The following CLEC1B variants were observed in gnomAD, a reference collection of about 807,000 sequenced individuals.
CLEC1B encodes the protein C-type lectin domain family 1 member B, also known as C-type lectin-like receptor 2.
Under a neutral mutation model 26.7 loss-of-function variants are expected in CLEC1B, and 26 were observed. The ratio of observed to expected loss-of-function variants is 0.97; its 90% CI spans 0.71 to 1.35. The LOEUF is 1.35. CLEC1B is among the 40% of genes most tolerant of loss of function. The probability of loss-of-function intolerance (pLI) is 0.00; values close to 1 mark genes in which losing one functional copy is unlikely to be tolerated. For synonymous variants in CLEC1B, 112 were observed against 96.0 expected (o/e 1.17, Z -0.97); for missense variants, 293 against 282.6 (o/e 1.04, Z -0.26).
intron 5 of CLEC1B, among the ~76,000 whole-genome samples, chr12:9,993,685 A>T (rs914944363): frequency 1.1e-4 from 16 of 152,124 alleles, no homozygotes; most frequent in African/African-American, 3.9e-4. Context: ...AAGTAGCTGC[A>T]CTAGATGGGA....
intron 1 of CLEC1B, 85 bp downstream of exon 1, chr12:9,998,952 A>T: frequency 1.3e-6 from 1 of 789,082 alleles, no homozygotes. Context: ...TAAACTATAT[A>T]TATTATCAAT....
upstream of CLEC1B, among the ~76,000 whole-genome samples, chr12:10,000,096 T>A (rs1320149200): frequency 6.6e-6 from 1 of 152,220 alleles, no homozygotes; most frequent in East Asian, 1.9e-4. Context: ...TCTTACATAG[T>A]TTTATGGCAG....
intron 4 of CLEC1B, among the ~76,000 whole-genome samples, chr12:9,996,119 A>G (rs987582497): frequency 6.6e-6 from 1 of 152,220 alleles, no homozygotes; most frequent in Non-Finnish European, 1.5e-5. Context: ...GTGAGACTCA[A>G]AATGGCATTC....
intron 1 of CLEC1B, 84 bp from the exon 2 acceptor site, chr12:9,998,464 T>G: frequency 1.1e-6 from 1 of 928,562 alleles, no homozygotes. Flanking sequence ...TGCCCCTGCC[T>G]TCTCAGGGTC....
intron 5 of CLEC1B, among the ~76,000 whole-genome samples, chr12:9,994,383 A>G (rs776769870): frequency 1.2e-4 from 19 of 152,180 alleles, no homozygotes; most frequent in Admixed American, 6.5e-5. Context: ...GATCCTATCT[A>G]TAGTAAATAC....
chr12:10,001,541 G>A (rs770988949), upstream of CLEC1B, among the ~76,000 whole-genome samples: 13 of 152,150 alleles, frequency 8.5e-5, no homozygotes, highest in Non-Finnish European at 1.3e-4. Context: ...TGACTTTGTG[G>A]TGTTAGAAGC....
chr12:9,993,860 G>A (rs935921546), intron 5 of CLEC1B, among the ~76,000 whole-genome samples: 3 of 152,066 alleles, frequency 2.0e-5, no homozygotes, highest in African/African-American at 7.2e-5. Flanking sequence ...ATACTTATTG[G>A]TTTATTTGGA....
intron 4 of CLEC1B, chr12:9,995,734 G>C (rs1441902359): frequency 5.0e-6 from 1 of 200,358 alleles, no homozygotes. Flanking sequence ...CATTTATGAT[G>C]TCTTTCTCAA....
upstream of CLEC1B, chr12:9,999,297 G>A: frequency 2.3e-6 from 1 of 437,306 alleles, no homozygotes. Context: ...AGAGATACAT[G>A]GACCTTGAAC....
upstream of CLEC1B, chr12:9,999,369 C>CT (rs141897222): frequency 0.035 from 10,260 of 293,532 alleles, 223 homozygotes; most frequent in African/African-American, 0.077. Flanking sequence ...TTGCTTCCTG[C>CT]TTTTTTTTTA....
rs1041909532 is a variant in CLEC1B at position 9,993,219 on chromosome 12, G to A, written c.614C>T (p.Pro205Leu). Residue 205 changes from proline (P) to leucine (L), a missense_variant, in exon 6 of 6, where the codon CCT becomes CTT. Physicochemically the swap from Pro to Leu is moderately conservative, Grantham distance 98 (BLOSUM62 -3). Transcript: ENST00000298527. ...CAYFHNGKMH[P>L]TFCENKHYLM... ...ATAATGTTTGTTCTCACAGAAGGTA[G>A]GGTGCATTTTCCCATTATGAAAATA... is the stretch of plus-strand genomic sequence containing the variant. 1 of 1,612,676 alleles carries A rather than the reference G, an allele frequency of 6.2e-7. No individual in the cohort carries two copies. The highest frequency in any genetic ancestry group is 8.5e-7 in the Non-Finnish European group (1 of 1,179,012).
chr12:9,993,415 A>AAAC, intron 5 of CLEC1B, 128 bp from the exon 6 acceptor site: 4 of 681,932 alleles, frequency 5.9e-6, no homozygotes, highest in Non-Finnish European at 9.8e-6. Context: ...ACAAAAAAAA[A>AAAC]AACGATTCTC....
At chr12:10,000,433 A>T (rs1591854884), upstream of CLEC1B, among the ~76,000 whole-genome samples, 1 of 152,358 alleles carries the variant, frequency 6.6e-6, no homozygotes, top group South Asian at 2.1e-4. Context: ...TATAAAAGAC[A>T]TTCCCTGATT....
At position 9,997,150 on chromosome 12, in the gene CLEC1B, C is replaced by T. The variant is rs779580668; in HGVS notation, c.283+10G>A. 3 of 1,613,592 alleles carry T rather than the reference C, an allele frequency of 1.9e-6. No homozygotes were observed. In the African/African-American group the frequency reaches 4.0e-5, roughly 22 times the overall value. On this transcript the variant is annotated intron_variant, in intron 3 of 5. Transcript: ENST00000298527. ...TGGAGAGATGAAGAGGTTAAAAAAACAATACTTACTGAAAGTGCCCTTTAG... is the reference window on the plus strand; with the variant it reads ...TGGAGAGATGAAGAGGTTAAAAAAATAATACTTACTGAAAGTGCCCTTTAG...
upstream of CLEC1B, among the ~76,000 whole-genome samples, chr12:9,999,645 A>G (rs531448621): frequency 6.6e-6 from 1 of 152,314 alleles, no homozygotes; most frequent in South Asian, 2.1e-4. Flanking sequence ...ATGACCTAGA[A>G]TTTACACAAC....
chr12:9,998,444 C>A, intron 1 of CLEC1B, 64 bp from the exon 2 acceptor site: 2 of 1,041,200 alleles, frequency 1.9e-6, no homozygotes, highest in Non-Finnish European at 1.5e-6. Flanking sequence ...GGAAGGCTCA[C>A]CCCTGCCCCT....
chr12:10,001,189 G>C (rs1865154827), upstream of CLEC1B, among the ~76,000 whole-genome samples: 1 of 152,188 alleles, frequency 6.6e-6, no homozygotes, highest in Admixed American at 6.5e-5. Context: ...AGATTGCTTT[G>C]TTGAGGTTTC....
upstream of CLEC1B, chr12:9,999,402 C>T: frequency 4.2e-6 from 1 of 238,884 alleles, no homozygotes; most frequent in Non-Finnish European, 7.9e-6. Context: ...AATAAAGGGA[C>T]ATTCCATCAT....
intron 4 of CLEC1B, among the ~76,000 whole-genome samples, chr12:9,996,461 A>G (rs1865050061): frequency 6.6e-6 from 1 of 152,202 alleles, no homozygotes; most frequent in African/African-American, 2.4e-5. Context: ...GAGTGGAAAG[A>G]AAAGCTAATT....
Sources: gnomAD v4.1 joint callset for allele counts (sites outside exome capture counted in the v4.1 genomes callset) on GRCh38, gnomAD v4.1.1 for gene constraint, MANE v1.5 for transcripts, NCBI Gene and HGNC (gene_info 2026-07-23, HGNC 2026-07-21) for gene names.